Variants in NBPF10 observed in about 807,000 individuals in gnomAD.
NBPF10 encodes the protein NBPF family member NBPF10.
NBPF10 carries 63 observed loss-of-function variants against 77.9 expected under a neutral mutation model. That is an observed-to-expected ratio of 0.81 (90% CI 0.66 to 1.00). The LOEUF is 1.00. Among genes scored for constraint, NBPF10 ranks in the 50% least tolerant of loss-of-function variants. NBPF10 has a pLI of 0.00. For synonymous variants in NBPF10, 146 were observed against 264.5 expected (o/e 0.55, Z 4.35); for missense variants, 522 against 679.8 (o/e 0.77, Z 2.58).
chr1:146,136,755 GC>G (rs1273876305), intron 6 of NBPF10, among the ~76,000 whole-genome samples: 5 of 145,350 alleles, frequency 3.4e-5, no homozygotes, highest in Non-Finnish European at 7.4e-5. Context: ...TGAATGCGGG[GC>G]CACTTTCCCA....
intron 89 of NBPF10, among the ~76,000 whole-genome samples, chr1:146,066,820 G>A (rs1420967017): frequency 6.6e-6 from 1 of 151,872 alleles, no homozygotes; most frequent in African/African-American, 2.4e-5. Context: ...AATTGGCCAG[G>A]TGACATACTG....
intron 10 of NBPF10, among the ~76,000 whole-genome samples, chr1:146,133,151 A>AGCT (rs1361808453): frequency 2.6e-5 from 1 of 38,064 alleles, no homozygotes; most frequent in African/African-American, 7.9e-5. Context: ...CCAAATACAA[A>AGCT]GGCAAGGCTG....
intron 5 of NBPF10, among the ~76,000 whole-genome samples, chr1:146,139,413 CTTA>C (rs1339386649): frequency 4.6e-5 from 7 of 151,484 alleles, no homozygotes; most frequent in Non-Finnish European, 8.9e-5. Context: ...CCAGCCGAGA[CTTA>C]TTAATAGCTA....
chr1:146,126,242 T>C (rs782043442), exon 14 of NBPF10: 22 of 1,606,734 alleles, frequency 1.4e-5, no homozygotes, highest in Non-Finnish European at 1.9e-5. Context: ...TCACCATCCA[T>C]GTCAATAGCC....
rs781859043 is a variant in NBPF10, at chr1:146,125,555, G to A, written c.2027-39C>T. On this transcript the variant is annotated intron_variant, in intron 14 of 89. Transcript: ENST00000583866. ...AGACATGGACAGACATATTAAGCTC[G>A]TTCTCCTACACACATAACAATCCAC... 76 of 667,378 alleles carry A rather than the reference G, an allele frequency of 1.1e-4. 1 individual carries two copies. The highest frequency in any genetic ancestry group is 4.1e-4 in the Middle Eastern group (1 of 2,440). The allele number at this position is 667,378 out of a possible 1,614,324, so 41.3% of individuals were successfully genotyped here.
chr1:146,066,829 T>C (rs1210103807), intron 89 of NBPF10, among the ~76,000 whole-genome samples: 5 of 151,046 alleles, frequency 3.3e-5, no homozygotes, highest in East Asian at 1.9e-4. Context: ...GGTGACATAC[T>C]GGTAAGGGAG....
At chr1:146,127,030 G>C (rs782368651) in exon 13 of NBPF10, 1 of 512,276 alleles carries the variant, frequency 2.0e-6, no homozygotes, top group Admixed American at 3.9e-5. Flanking sequence ...AGACTCACCT[G>C]GGACCTGTTG....
intron 77 of NBPF10, among the ~76,000 whole-genome samples, chr1:146,076,298 C>CAGAG (rs1253455825): frequency 1.7e-4 from 2 of 11,832 alleles, no homozygotes; most frequent in Non-Finnish European, 5.4e-4. Context: ...CACACACACA[C>CAGAG]ACACAGAGAG....
rs782684298 is a variant in NBPF10, at chr1:146,067,203, T to A, written c.11121A>T (p.Glu3707Asp). ...ACCTGGGGCATGGTGGGTTTTGATC[T>A]TCTTCCCCTTCTTTTCTTCCCCTTC... Residue 3707 changes from glutamate to aspartate, a missense_variant, in exon 89 of 90, where the codon GAA (glutamate) becomes GAT (aspartate). Transcript: ENST00000583866. 1.9e-5 allele frequency: 11 copies of A among 588,986 alleles called. No individual in the cohort carries two copies. In the African/African-American group the frequency reaches 2.1e-4, roughly 11 times the overall value. The allele number at this position is 588,986 out of a possible 1,614,324, so 36.5% of individuals were successfully genotyped here.
chr1:146,126,428 T>A lies in NBPF10; in HGVS notation c.1854-20A>T. On this transcript the variant is annotated intron_variant, in intron 13 of 89. Coordinates refer to ENST00000583866, the Ensembl canonical transcript of NBPF10. ...CTGAGCGTGGAAAAGTAGGAAAAAG[T>A]AAAGAATAAGCCAGGGGGAATCAGA... 6 of 1,054,426 alleles carry A rather than the reference T, an allele frequency of 5.7e-6. No individual in the cohort carries two copies. Among genetic ancestry groups the A allele is most frequent in the Non-Finnish European group, 8.9e-6 (6 of 677,052 alleles). The allele number at this position is 1,054,426 out of a possible 1,614,324, so 65.3% of individuals were successfully genotyped here.
intron 5 of NBPF10, among the ~76,000 whole-genome samples, chr1:146,139,265 A>C (rs9424859): frequency 7.1e-6 from 1 of 139,900 alleles, no homozygotes; most frequent in African/African-American, 2.6e-5. Flanking sequence ...ACGCCCAGCT[A>C]TTTTTTTTTT....
intron 17 of NBPF10, among the ~76,000 whole-genome samples, chr1:146,123,545 T>A (rs1326531608): frequency 4.1e-5 from 4 of 98,176 alleles, no homozygotes; most frequent in African/African-American, 2.1e-4. Context: ...GAGAACGAGC[T>A]CAGTGAATTG....
chr1:146,067,908 G>A (rs3010128), intron 88 of NBPF10, 95 bp downstream of exon 88: 16 of 705,188 alleles, frequency 2.3e-5, no homozygotes, highest in Non-Finnish European at 3.4e-5. Context: ...CGGCAATGAC[G>A]TCTCTCGGGT....
chr1:146,140,129 A>C, intron 4 of NBPF10, 109 bp from the exon 5 acceptor site: 1 of 1,066,392 alleles, frequency 9.4e-7, no homozygotes, highest in Non-Finnish European at 1.4e-6. Context: ...TGGTTCCAGA[A>C]AGCAAAACGG....
intron 86 of NBPF10, 121 bp downstream of exon 86, chr1:146,069,422 C>G: frequency 3.8e-6 from 2 of 528,278 alleles, no homozygotes; most frequent in Non-Finnish European, 6.6e-6. Context: ...CCTACATATG[C>G]CTATAGGTCC....
At chr1:146,125,780 A>G (rs587692408) in intron 14 of NBPF10, among the ~76,000 whole-genome samples, 1 of 145,566 alleles carries the variant, frequency 6.9e-6, no homozygotes, top group Non-Finnish European at 1.5e-5. Flanking sequence ...TGGTTATGCC[A>G]TATTTTTCCA....
rs200519418 is a variant in NBPF10, at chr1:146,066,941, T to C, written c.11144+239A>G. 7.6e-5 allele frequency among the ~76,000 whole-genome samples: 11 copies of C among 145,340 alleles called. No homozygotes were observed. The East Asian group carries it at 2.4e-3, about 31-fold the overall frequency. The stretch of plus-strand genomic sequence containing the variant: ...TCCATAAAATATGCTCAAAATTCGA[T>C]GCAGTGGCCATGAGAGTACAGCTTT... On this transcript the variant is annotated intron_variant, in intron 89 of 89. Coordinates refer to ENST00000583866, the Ensembl canonical transcript of NBPF10.
intron 77 of NBPF10, among the ~76,000 whole-genome samples, 197 bp from the exon 78 acceptor site, chr1:146,076,238 G>GAC (rs1213507335): frequency 3.7e-3 from 20 of 5,334 alleles, no homozygotes; most frequent in Admixed American, 7.0e-3. Context: ...AAGACAGATA[G>GAC]ACACACACAC....
At chr1:146,121,859 A>G (rs1329115832) in intron 19 of NBPF10, among the ~76,000 whole-genome samples, 189 bp from the exon 20 acceptor site, 18 of 147,976 alleles carry the variant, frequency 1.2e-4, no homozygotes, top group African/African-American at 4.7e-4. Flanking sequence ...AAAGAGAAAG[A>G]CAGAGAGAGA....
Sources: allele counts gnomAD v4.1 joint callset (sites outside exome capture counted in the v4.1 genomes callset), GRCh38; gene constraint gnomAD v4.1.1; transcripts MANE v1.5; gene names NCBI Gene and HGNC (gene_info 2026-07-23, HGNC 2026-07-21).